MKI67: variants seen among roughly 807,000 people sequenced by gnomAD.
The protein encoded by MKI67 is proliferation marker protein Ki-67.
In MKI67, 152 loss-of-function variants were observed where a neutral mutation model predicts 233.5. That is an observed-to-expected ratio of 0.65 (90% CI 0.57 to 0.74). MKI67 has a LOEUF of 0.74. MKI67 is among the 30% of genes least tolerant of loss of function. The pLI, the probability that MKI67 is intolerant of heterozygous loss-of-function variation, is 0.00. For missense variants in MKI67, 3,940 were observed against 3,885.2 expected, an observed-to-expected ratio of 1.01 and a Z score of -0.37; for synonymous variants, 1,465 against 1,418.5, an observed-to-expected ratio of 1.03 and a Z score of -0.74.
At chr10:128,119,559 C>G (rs1852887238) in intron 4 of MKI67, among the ~76,000 whole-genome samples, 1 of 152,226 alleles carries the variant, frequency 6.6e-6, no homozygotes, top group African/African-American at 2.4e-5. Flanking sequence ...AGATTAACTT[C>G]TGATCACTGA....
In MKI67 at chr10:128,105,170, G is replaced by A; in HGVS notation, c.6670C>T (p.Pro2224Ser). Residue 2224 changes from proline (P) to serine (S), a missense_variant, in exon 13 of 15, where the codon CCA (proline) becomes TCA (serine). Physicochemically the swap from Pro to Ser is moderately conservative, Grantham distance 74. Transcript: ENST00000368654. Reference sequence around the variant, plus strand: ...GGGGTACCCACTGGGTCTGGTTGTGGAGATCTGCAGGCTATTTTGGTAGTT... The same window carrying A: ...GGGGTACCCACTGGGTCTGGTTGTGAAGATCTGCAGGCTATTTTGGTAGTT... ...EKTTKIACRS[P>S]QPDPVGTPTI... 6.2e-7 allele frequency: 1 copy of A among 1,613,296 alleles called. No homozygotes were observed. Among genetic ancestry groups the A allele is most frequent in the Non-Finnish European group, 8.5e-7 (1 of 1,179,896 alleles).
Position 128,108,528 on chromosome 10 carries a change from G to C in MKI67, c.3312C>G (p.Gly1104=), listed in dbSNP as rs1460568761. The change falls in exon 13 of 15, where the codon GGC becomes GGG. Residue 1104 remains glycine, a synonymous_variant. Transcript: ENST00000368654. ...CTGGTGTCTGGAAGAGCTCTTTGAA[G>C]CCAGCCAGGTCTTCTAGTGACTGGG... ...EEAQSLEDLA[G]FKELFQTPGP... 3.1e-6 allele frequency: 5 copies of C among 1,614,162 alleles called. No individual in the cohort carries two copies. In the Admixed American group the frequency reaches 8.3e-5, roughly 27 times the overall value.
chr10:128,120,004 G>A (rs1286221376), intron 4 of MKI67, among the ~76,000 whole-genome samples: 7 of 152,140 alleles, frequency 4.6e-5, no homozygotes, highest in Admixed American at 4.6e-4. Context: ...GAATTTATAG[G>A]CAACCTAAGT....
chr10:128,123,183 A>T lies in MKI67; in HGVS notation c.93-14T>A. 6.2e-7 allele frequency: 1 copy of T among 1,604,364 alleles called. No homozygotes were observed. Among genetic ancestry groups the T allele is most frequent in the South Asian group, 1.1e-5 (1 of 89,660 alleles). Reference sequence around the variant, plus strand: ...CATTCAATACCCCTTCATGCAAAAGAAGAAGGTTTTTTTGGTTGCTGCAAC... The same window carrying T: ...CATTCAATACCCCTTCATGCAAAAGTAGAAGGTTTTTTTGGTTGCTGCAAC... On this transcript the variant is annotated splice_polypyrimidine_tract_variant and intron_variant, in intron 2 of 14. Coordinates refer to ENST00000368654, the MANE Select transcript of MKI67 (RefSeq NM_002417.5).
In MKI67 at chr10:128,103,713, G is replaced by A; in HGVS notation, c.8127C>T (p.Pro2709=). Residue 2709 remains proline, a synonymous_variant, in exon 13 of 15, where the codon CCC becomes CCT. Coordinates refer to ENST00000368654, the MANE Select transcript of MKI67 (RefSeq NM_002417.5). ...CTGTGGTGTCTACCACTTCTAGTGGGGGAGATTCGCAGGGTATTTTAGTGG... is the reference window on the plus strand; with the variant it reads ...CTGTGGTGTCTACCACTTCTAGTGGAGGAGATTCGCAGGGTATTTTAGTGG... ...GKATKIPCES[P]PLEVVDTTAS... The A allele has an allele frequency of 6.2e-7, 1 of 1,613,892 alleles. No homozygotes were observed. The highest frequency in any genetic ancestry group is 8.5e-7 in the Non-Finnish European group (1 of 1,179,992).
rs1247602309 is a variant in MKI67, at chr10:128,105,605, A to G, written c.6235T>C (p.Phe2079Leu). The stretch of plus-strand genomic sequence containing the variant: ...TCTGGTGTCTGGAAGAGCTCTTTGA[A>G]GCCGGCCAGGTCTTCTAGTGATTGG... ...EAQSLEDLAG[F>L]KELFQTPDHT... Residue 2079 changes from phenylalanine to leucine, a missense_variant, in exon 13 of 15, where the codon TTC (phenylalanine) becomes CTC (leucine). Coordinates refer to ENST00000368654, the MANE Select transcript of MKI67 (RefSeq NM_002417.5). 1 of 1,613,862 alleles carries G rather than the reference A, an allele frequency of 6.2e-7. No individual in the cohort carries two copies. The highest frequency in any genetic ancestry group is 1.7e-5 in the Admixed American group (1 of 59,996).
chr10:128,116,387 G>A, intron 6 of MKI67, 104 bp downstream of exon 6: 1 of 1,026,070 alleles, frequency 9.7e-7, no homozygotes, highest in South Asian at 1.3e-5. Context: ...TTTCTGACAG[G>A]CTAGACATTT....
In MKI67 at chr10:128,109,557, T is replaced by A. The variant is rs554235999; in HGVS notation, c.2417-134A>T. 6.3e-6 allele frequency: 6 copies of A among 946,158 alleles called. No individual in the cohort carries two copies. The African/African-American group carries it at 1.0e-4, about 16-fold the overall frequency. 58.6% of individuals were successfully genotyped at this position (946,158 alleles called of 1,614,324 possible). A position where few individuals can be genotyped will look rare whatever the true frequency, so the allele number is the denominator to read the frequency against. On this transcript the variant is annotated intron_variant, in intron 12 of 14. Transcript: ENST00000368654. ...ACTGAACGACATGAGGCTACTTATG[T>A]GTCTATAAATCTGTCTTATAAGAGC...
chr10:128,103,486 C>T lies in MKI67; in HGVS notation c.8354G>A (p.Arg2785Lys), dbSNP rs768073527. The T allele has an allele frequency of 7.4e-6, 12 of 1,613,960 alleles. No homozygotes were observed. In the South Asian group the frequency reaches 1.1e-4, roughly 15 times the overall value. ...ACTTTCCCTGGGTGCTCTTGGCCGT[C>T]TCCTGCTGCCAGTTACACTTGCTGC... The part of the protein sequence containing the change: ...APAASVTGSR[R>K]RPRAPRESAQ... Residue 2785 changes from arginine to lysine, a missense_variant, in exon 13 of 15, where the codon AGA (arginine) becomes AAA (lysine). Coordinates refer to ENST00000368654, the MANE Select transcript of MKI67 (RefSeq NM_002417.5).
chr10:128,119,304 A>G lies in MKI67; in HGVS notation c.303T>C (p.Ser101=). Residue 101 remains serine (S), a synonymous_variant, in exon 5 of 15, where the codon AGT becomes AGC. Transcript: ENST00000368654. ...CAGTTGACTTCCTTCCATTCTGAAG[A>G]CTTTCATTTTCATACCTGCAGTTTA... ...IDRSFRYENE[S]LQNGRKSTEF... 1 of 1,605,478 alleles carries G rather than the reference A, an allele frequency of 6.2e-7. No homozygotes were observed. Among genetic ancestry groups the G allele is most frequent in the Non-Finnish European group, 8.5e-7 (1 of 1,172,584 alleles).
intron 4 of MKI67, among the ~76,000 whole-genome samples, chr10:128,122,031 T>C (rs958754655): frequency 6.6e-6 from 1 of 152,204 alleles, no homozygotes; most frequent in Non-Finnish European, 1.5e-5. Flanking sequence ...GTGGTTTACT[T>C]GCTGAGGGAA....
At chr10:128,111,554 C>A in intron 11 of MKI67, 91 bp downstream of exon 11, 216 of 861,676 alleles carry the variant, frequency 2.5e-4, no homozygotes, top group East Asian at 3.5e-4. Context: ...ATCTCTTTCA[C>A]AGCAGATAAA....
intron 4 of MKI67, among the ~76,000 whole-genome samples, chr10:128,119,749 A>T (rs550821170): frequency 2.0e-5 from 3 of 152,338 alleles, no homozygotes; most frequent in Admixed American, 1.3e-4. Flanking sequence ...GAAGTTACAT[A>T]CTTCAGGGTA....
chr10:128,102,666 T>A lies in MKI67; in HGVS notation c.9174A>T (p.Arg3058Ser), dbSNP rs1459325040. Residue 3058 changes from arginine to serine, a missense_variant, in exon 13 of 15, where the codon AGA (arginine) becomes AGT (serine). Transcript: ENST00000368654. ...TGTTCAGCTCTTCCGCAGGTTCAAT[T>A]CTTTTTGCAGAAGTCCTCAAACTTC... ...MKRSLRTSAK[R>S]IEPAEELNSN... The A allele has an allele frequency of 1.2e-6, 2 of 1,614,248 alleles. No homozygotes were observed. The highest frequency in any genetic ancestry group is 2.2e-5 in the East Asian group (1 of 44,886).
chr10:128,104,239 T>G lies in MKI67; in HGVS notation c.7601A>C (p.Asp2534Ala). 6.2e-7 allele frequency: 1 copy of G among 1,614,044 alleles called. No individual in the cohort carries two copies. The change falls in exon 13 of 15, where the codon GAC (aspartate) becomes GCC (alanine). Residue 2534 changes from aspartate (D) to alanine (A), a missense_variant. Physicochemically the swap from Asp to Ala is moderately radical, Grantham distance 126. Transcript: ENST00000368654. ...AFKESPKQIL[D>A]PAASVTGSRR... Reference sequence around the variant, plus strand: ...GCTACCAGTTACACTTGCTGCTGGGTCCAGGATCTGCTTTGGAGACTCCTT... The same window carrying G: ...GCTACCAGTTACACTTGCTGCTGGGGCCAGGATCTGCTTTGGAGACTCCTT...
chr10:128,120,576 T>C (rs537944346), intron 4 of MKI67, among the ~76,000 whole-genome samples: 1 of 152,134 alleles, frequency 6.6e-6, no homozygotes, highest in Admixed American at 6.5e-5. Context: ...AAAAATACTC[T>C]TTAAAAATGA....
At position 128,109,254 on chromosome 10, in the gene MKI67, C is replaced by T; in HGVS notation, c.2586G>A (p.Glu862=). The change falls in exon 13 of 15, where the codon GAG becomes GAA. Residue 862 remains glutamate, a synonymous_variant. Coordinates refer to ENST00000368654, the MANE Select transcript of MKI67 (RefSeq NM_002417.5). ...TGGATACTGTTTTTGAAGGCTCTGT[C>T]TCAGTATCTGAAGTTTTTGTCTCCA... The part of the protein sequence containing the change: ...TSLETKTSDT[E]TEPSKTVSTA... 1 of 1,614,166 alleles carries T rather than the reference C, an allele frequency of 6.2e-7. No individual in the cohort carries two copies. Among genetic ancestry groups the T allele is most frequent in the Non-Finnish European group, 8.5e-7 (1 of 1,180,026 alleles).
Position 128,101,293 on chromosome 10 carries a change from G to A in MKI67, c.9670C>T (p.Arg3224Trp), listed in dbSNP as rs754802357. 6.8e-6 allele frequency: 11 copies of A among 1,614,050 alleles called. No homozygotes were observed. Among genetic ancestry groups the A allele is most frequent in the South Asian group, 1.1e-5 (1 of 91,086 alleles). The change falls in exon 14 of 15, where the codon CGG (arginine) becomes TGG (tryptophan). Residue 3224 changes from arginine (R) to tryptophan (W), a missense_variant. By Grantham distance (101) the Arg-to-Trp change is moderately radical. Coordinates refer to ENST00000368654, the MANE Select transcript of MKI67 (RefSeq NM_002417.5). ...TTTTCTGCACACCTCTTGACACTCC[G>A]CGTTACTCTCTGCACAGATTTGCTC... is the stretch of plus-strand genomic sequence containing the variant. ...LESKSVQRVT[R>W]SVKRCAENPK...
At chr10:128,099,529 T>A (rs1317992402) in intron 14 of MKI67, among the ~76,000 whole-genome samples, 1 of 152,238 alleles carries the variant, frequency 6.6e-6, no homozygotes, top group Non-Finnish European at 1.5e-5. Context: ...TAATTCATAA[T>A]AAAATTTCTT....
Sources: allele counts gnomAD v4.1 joint callset (sites outside exome capture counted in the v4.1 genomes callset), GRCh38; gene constraint gnomAD v4.1.1; transcripts MANE v1.5; gene names NCBI Gene and HGNC (gene_info 2026-07-23, HGNC 2026-07-21).